Variants in SPTA1 observed in about 807,000 individuals in gnomAD.
SPTA1 encodes the protein spectrin alpha, erythrocytic 1, also known as spectrin alpha chain, erythrocytic 1.
In SPTA1, 177 loss-of-function variants were observed where a neutral mutation model predicts 324.7. The ratio of observed to expected loss-of-function variants is 0.55; its 90% CI spans 0.48 to 0.62. The LOEUF is 0.62. Ranked by LOEUF, SPTA1 falls within the 20% of genes least tolerant of loss-of-function variation. The pLI, the probability that SPTA1 is intolerant of heterozygous loss-of-function variation, is 0.00. For missense variants in SPTA1, 3,162 were observed against 2,883.6 expected (o/e 1.10, Z -2.21); for synonymous variants, 1,195 against 1,041.3 (o/e 1.15, Z -2.84).
At chr1:158,619,194 T>C in intron 45 of SPTA1, 28 bp downstream of exon 45, 9 of 1,599,414 alleles carry the variant, frequency 5.6e-6, no homozygotes, top group Non-Finnish European at 7.7e-6. Flanking sequence ...GGCACAGGGG[T>C]CATGGTTTGG....
At chr1:158,683,763 CCT>C (rs1239777275) in intron 2 of SPTA1, among the ~76,000 whole-genome samples, 1 of 149,978 alleles carries the variant, frequency 6.7e-6, no homozygotes, top group African/African-American at 2.4e-5. Flanking sequence ...CAGTGTCCTT[CCT>C]CATCAGAAAA....
intron 51 of SPTA1, 169 bp from the exon 52 acceptor site, chr1:158,611,558 A>G: frequency 3.0e-6 from 2 of 662,186 alleles, no homozygotes; most frequent in Non-Finnish European, 4.9e-6. Flanking sequence ...ATTTCTAATG[A>G]GTAACTTAAC....
At chr1:158,679,231 T>G (rs1286702868) in intron 5 of SPTA1, among the ~76,000 whole-genome samples, 4 of 152,150 alleles carry the variant, frequency 2.6e-5, no homozygotes, top group Non-Finnish European at 5.9e-5. Flanking sequence ...ATTCTCCTTC[T>G]CAAGTACATG....
intron 35 of SPTA1, 45 bp from the exon 36 acceptor site, chr1:158,638,286 T>C (rs1179421349): frequency 1.3e-6 from 2 of 1,576,448 alleles, no homozygotes; most frequent in Non-Finnish European, 8.6e-7. Flanking sequence ...GTATAGGCAT[T>C]ACTCAGATCC....
At chr1:158,632,582 A>T (rs1650758426) in intron 39 of SPTA1, among the ~76,000 whole-genome samples, 1 of 152,212 alleles carries the variant, frequency 6.6e-6, no homozygotes, top group Admixed American at 6.5e-5. Context: ...TCCATTAAGG[A>T]AATGCACATA....
chr1:158,660,367 C>T (rs187920604), intron 18 of SPTA1, among the ~76,000 whole-genome samples: 1 of 152,220 alleles, frequency 6.6e-6, no homozygotes, highest in Admixed American at 6.5e-5. Flanking sequence ...AAAGATAGCT[C>T]ATGTGGCTTT....
At position 158,636,681 on chromosome 1, in the gene SPTA1, C is replaced by A. The variant is rs779823270; in HGVS notation, c.5270G>T (p.Arg1757Leu). ...ATGGGCCACCAGCTCCCCCTCTAGG[C>A]GTTTGTGCTTCTTCAGCAAGTTCTG... ...GVQNLLKKHKRLEGELVAHEP... is the reference protein window; with the variant it reads ...GVQNLLKKHKLLEGELVAHEP... The change falls in exon 37 of 52, where the codon CGC becomes CTC. Residue 1757 changes from arginine (R) to leucine (L), a missense_variant. By Grantham distance (102) the Arg-to-Leu change is moderately radical. Coordinates refer to ENST00000643759, the MANE Select transcript of SPTA1 (RefSeq NM_003126.4). 4 of 1,614,018 alleles carry A rather than the reference C, an allele frequency of 2.5e-6. No individual in the cohort carries two copies. In the Admixed American group the frequency reaches 6.7e-5, roughly 27 times the overall value.
intron 36 of SPTA1, among the ~76,000 whole-genome samples, chr1:158,637,252 C>T (rs1435231353): frequency 6.6e-6 from 1 of 152,138 alleles, no homozygotes; most frequent in Non-Finnish European, 1.5e-5. Flanking sequence ...GAAGTACAGT[C>T]GAAGACTACA....
chr1:158,654,688 C>T lies in SPTA1; in HGVS notation c.2959G>A (p.Asp987Asn). The change falls in exon 21 of 52, where the codon GAC becomes AAC. Residue 987 changes from aspartate (D) to asparagine (N), a missense_variant. Physicochemically the swap from Asp to Asn is conservative, Grantham distance 23. Coordinates refer to ENST00000643759, the MANE Select transcript of SPTA1 (RefSeq NM_003126.4). ...AGEQRVMALY[D>N]FQARSPREVT... ...TCTCGGGGGCTGCGGGCCTGGAAGT[C>T]ATATAAAGCCATGACCCTTTGTTCT... The T allele has an allele frequency of 6.2e-7, 1 of 1,613,782 alleles. No individual in the cohort carries two copies. The highest frequency in any genetic ancestry group is 8.5e-7 in the Non-Finnish European group (1 of 1,179,972).
Position 158,666,310 on chromosome 1 carries a change from A to G in SPTA1, c.2220+6T>C. 6.2e-7 allele frequency: 1 copy of G among 1,613,274 alleles called. No individual in the cohort carries two copies. Among genetic ancestry groups the G allele is most frequent in the Non-Finnish European group, 8.5e-7 (1 of 1,179,914 alleles). The stretch of plus-strand genomic sequence containing the variant: ...CTTATGGCTGGCCAAAGAGCTAACA[A>G]CAAACCTGACGAGCAGCCACAGCCG... On this transcript the variant is annotated splice_donor_region_variant and intron_variant, in intron 16 of 51. Coordinates refer to ENST00000643759, the MANE Select transcript of SPTA1 (RefSeq NM_003126.4).
chr1:158,626,272 G>A (rs747269338), intron 41 of SPTA1, 50 bp from the exon 42 acceptor site: 1 of 1,545,916 alleles, frequency 6.5e-7, no homozygotes, highest in Non-Finnish European at 8.9e-7. Context: ...TCTTGTTTGA[G>A]TCCTGGGAAG....
chr1:158,628,025 A>C (rs2101784129), intron 39 of SPTA1, among the ~76,000 whole-genome samples: 1 of 152,294 alleles, frequency 6.6e-6, no homozygotes, highest in African/African-American at 2.4e-5. Context: ...TCGTATATAA[A>C]GATTCCTCCA....
At chr1:158,619,199 G>A (rs1232907035) in intron 45 of SPTA1, 23 bp downstream of exon 45, 1 of 1,605,622 alleles carries the variant, frequency 6.2e-7, no homozygotes. Flanking sequence ...AGGGGTCATG[G>A]TTTGGGATGT....
intron 21 of SPTA1, 64 bp from the exon 22 acceptor site, chr1:158,653,489 T>G: frequency 1.2e-6 from 2 of 1,605,200 alleles, no homozygotes; most frequent in Non-Finnish European, 1.7e-6. Flanking sequence ...CGGGAGAGAC[T>G]TCAACACTAA....
chr1:158,614,436 G>A (rs888962425), intron 48 of SPTA1, 130 bp from the exon 49 acceptor site: 18 of 693,648 alleles, frequency 2.6e-5, no homozygotes, highest in Admixed American at 2.5e-5. Context: ...TCAAGAGTTG[G>A]CAAACTATAG....
At chr1:158,647,252 A>G (rs1222158428) in intron 27 of SPTA1, among the ~76,000 whole-genome samples, 2 of 152,256 alleles carry the variant, frequency 1.3e-5, no homozygotes, top group Non-Finnish European at 2.9e-5. Context: ...TGTATTCAAC[A>G]GAATACTGAA....
chr1:158,613,927 C>T, intron 49 of SPTA1, 60 bp from the exon 50 acceptor site: 2 of 1,564,088 alleles, frequency 1.3e-6, no homozygotes, highest in Non-Finnish European at 1.7e-6. Flanking sequence ...CAAGTGAGAA[C>T]AGAAAGGAAT....
Position 158,661,347 on chromosome 1 carries a change from C to A in SPTA1, c.2527G>T (p.Ala843Ser), listed in dbSNP as rs745769110. The change falls in exon 18 of 52, where the codon GCC (alanine) becomes TCC (serine). Residue 843 changes from alanine (A) to serine (S), a missense_variant. Coordinates refer to ENST00000643759, the MANE Select transcript of SPTA1 (RefSeq NM_003126.4). Reference sequence around the variant, plus strand: ...TCTTGAATGCGTGGTTCATGGCTGGCAATGTTCTCCAGGATGACTCTATGC... The same window carrying A: ...TCTTGAATGCGTGGTTCATGGCTGGAAATGTTCTCCAGGATGACTCTATGC... The part of the protein sequence containing the change: ...NRHRVILENI[A>S]SHEPRIQEIT... 3 of 1,613,900 alleles carry A rather than the reference C, an allele frequency of 1.9e-6. No individual in the cohort carries two copies. The highest frequency in any genetic ancestry group is 2.5e-6 in the Non-Finnish European group (3 of 1,179,896).
Position 158,648,521 on chromosome 1 carries a change from G to T in SPTA1, c.3702C>A (p.Pro1234=), listed in dbSNP as rs376004665. 67 of 1,613,898 alleles carry T rather than the reference G, an allele frequency of 4.2e-5. No homozygotes were observed. Among genetic ancestry groups the T allele is most frequent in the Non-Finnish European group, 4.8e-5 (57 of 1,179,902 alleles). The change falls in exon 26 of 52, where the codon CCC becomes CCA. Residue 1234 remains proline, a synonymous_variant. Transcript: ENST00000643759. ...GGACTTGTCTCACCTTATCTCCCAG[G>T]GGTACGAGGTCCCTTTCAAAGCCCT... ...RHEGFERDLV[P]LGDKVTILGE... is the part of the protein sequence containing the mutation.
Sources: allele counts gnomAD v4.1 joint callset (sites outside exome capture counted in the v4.1 genomes callset), GRCh38; gene constraint gnomAD v4.1.1; transcripts MANE v1.5; gene names NCBI Gene and HGNC (gene_info 2026-07-23, HGNC 2026-07-21).